CACNA2D3: variants seen among roughly 807,000 people sequenced by gnomAD.
The protein encoded by CACNA2D3 is calcium voltage-gated channel auxiliary subunit alpha2delta 3.
CACNA2D3 carries 60 observed loss-of-function variants against 160.6 expected under a neutral mutation model. The ratio of observed to expected loss-of-function variants is 0.37; its 90% CI spans 0.30 to 0.46. CACNA2D3 has a LOEUF of 0.46. Ranked by LOEUF, CACNA2D3 falls within the 20% of genes least tolerant of loss-of-function variation. The probability of loss-of-function intolerance (pLI) is 1.00; values close to 1 mark genes in which losing one functional copy is unlikely to be tolerated. For synonymous variants in CACNA2D3, 558 were observed against 492.9 expected, an observed-to-expected ratio of 1.13 and a Z score of -1.75; for missense variants, 1,205 against 1,365.0, an observed-to-expected ratio of 0.88 and a Z score of 1.85.
chr3:54,311,943 A>G (rs1703752184), intron 2 of CACNA2D3, among the ~76,000 whole-genome samples: 1 of 152,204 alleles, frequency 6.6e-6, no homozygotes, highest in African/African-American at 2.4e-5. Context: ...TGAAGGAATA[A>G]AAAGAGAAAA....
chr3:54,484,475 G>A lies in CACNA2D3; in HGVS notation c.382-19017G>A, dbSNP rs184072561. ...AAAGACATTAGGAAAATTTGTTACC[G>A]TGGTAACCGGGGATGGACATCATGA... On this transcript the variant is annotated intron_variant, in intron 4 of 37. Transcript: ENST00000474759. Among the ~76,000 whole-genome samples, 13 of 152,194 alleles carry A rather than the reference G, an allele frequency of 8.5e-5. No homozygotes were observed. In the East Asian group the frequency reaches 1.2e-3, roughly 14 times the overall value.
chr3:54,503,419 G>T, intron 4 of CACNA2D3, 73 bp from the exon 5 acceptor site: 1 of 1,375,546 alleles, frequency 7.3e-7, no homozygotes, highest in Non-Finnish European at 1.0e-6. Context: ...CACATGGCCT[G>T]TGCCCAGGTC....
At chr3:54,736,070 T>C (rs567365316) in intron 11 of CACNA2D3, among the ~76,000 whole-genome samples, 2,581 of 31,506 alleles carry the variant, frequency 0.082, 252 homozygotes, top group Non-Finnish European at 0.15. Flanking sequence ...TGTATATATA[T>C]ATACATATAT....
At chr3:54,529,890 G>C (rs1378383706) in intron 5 of CACNA2D3, among the ~76,000 whole-genome samples, 1 of 152,134 alleles carries the variant, frequency 6.6e-6, no homozygotes, top group Non-Finnish European at 1.5e-5. Context: ...GTGTATTTGG[G>C]CAGATGTATT....
At chr3:54,163,962 GGAA>G (rs1700399055) in intron 2 of CACNA2D3, among the ~76,000 whole-genome samples, 3 of 152,182 alleles carry the variant, frequency 2.0e-5, no homozygotes, top group African/African-American at 7.2e-5. Flanking sequence ...AGAGGGAGAG[GGAA>G]TAGCCCACGG....
At chr3:54,867,357 AT>A (rs1699425496) in intron 17 of CACNA2D3, among the ~76,000 whole-genome samples, 1 of 152,200 alleles carries the variant, frequency 6.6e-6, no homozygotes, top group South Asian at 2.1e-4. Flanking sequence ...ACAGTGAGGC[AT>A]TTTATAAATC....
chr3:54,878,211 G>A (rs1372406319), intron 18 of CACNA2D3, among the ~76,000 whole-genome samples: 1 of 152,176 alleles, frequency 6.6e-6, no homozygotes, highest in Non-Finnish European at 1.5e-5. Context: ...AGACAAGAGA[G>A]GGGTGGGGAG....
intron 3 of CACNA2D3, among the ~76,000 whole-genome samples, chr3:54,376,656 G>A (rs1354087905): frequency 1.3e-5 from 2 of 152,044 alleles, no homozygotes; most frequent in Non-Finnish European, 1.5e-5. Context: ...TCTTCATTGC[G>A]TCAGCCCTTA....
intron 3 of CACNA2D3, among the ~76,000 whole-genome samples, chr3:54,376,436 G>C (rs1190948704): frequency 1.3e-5 from 2 of 152,176 alleles, no homozygotes; most frequent in East Asian, 3.9e-4. Context: ...GTAAAGTTAG[G>C]ATGGTATCTG....
At chr3:54,745,033 A>G (rs1256468748) in intron 11 of CACNA2D3, among the ~76,000 whole-genome samples, 1 of 152,248 alleles carries the variant, frequency 6.6e-6, no homozygotes, top group Admixed American at 6.5e-5. Context: ...CAGGTATAAT[A>G]AGGCACACAG....
intron 2 of CACNA2D3, among the ~76,000 whole-genome samples, chr3:54,183,754 G>A (rs1279468139): frequency 2.0e-5 from 3 of 151,504 alleles, no homozygotes; most frequent in Non-Finnish European, 4.4e-5. Context: ...ACATGGTGGC[G>A]CATGACTGTA....
chr3:54,240,010 C>T (rs1701946228), intron 2 of CACNA2D3, among the ~76,000 whole-genome samples: 1 of 152,096 alleles, frequency 6.6e-6, no homozygotes, highest in Admixed American at 6.6e-5. Context: ...TATTTCAGGC[C>T]AGGAATAAAG....
At chr3:54,639,983 T>TTGAGCCAGGA (rs1699478596) in intron 10 of CACNA2D3, 1 of 153,444 alleles carries the variant, frequency 6.5e-6, no homozygotes, top group Non-Finnish European at 1.4e-5. Flanking sequence ...GGGGTGCTTT[T>TTGAGCCAGGA]TGAGCCAGGA....
chr3:54,630,430 T>C (rs531810122), intron 10 of CACNA2D3, among the ~76,000 whole-genome samples: 2 of 152,290 alleles, frequency 1.3e-5, no homozygotes, highest in East Asian at 3.9e-4. Flanking sequence ...CGCAGTTTAA[T>C]GCCGGCCTGC....
intron 11 of CACNA2D3, among the ~76,000 whole-genome samples, chr3:54,647,507 G>T (rs1435327925): frequency 6.6e-6 from 1 of 152,152 alleles, no homozygotes; most frequent in African/African-American, 2.4e-5. Context: ...CCTCTCCATG[G>T]GCTTTCTCTC....
At chr3:54,634,522 T>C (rs1322325321) in intron 10 of CACNA2D3, 1 of 152,214 alleles carries the variant, frequency 6.6e-6, no homozygotes, top group African/African-American at 2.4e-5. Flanking sequence ...AAACAGGCTT[T>C]GTGTGAGCAA....
chr3:54,500,953 A>G (rs1701285151), intron 4 of CACNA2D3, among the ~76,000 whole-genome samples: 1 of 152,220 alleles, frequency 6.6e-6, no homozygotes, highest in Non-Finnish European at 1.5e-5. Context: ...CCCAAGATCA[A>G]GGTGCTGGCA....
intron 2 of CACNA2D3, among the ~76,000 whole-genome samples, chr3:54,286,443 C>A (rs1201480259): frequency 6.6e-6 from 1 of 152,222 alleles, no homozygotes; most frequent in African/African-American, 2.4e-5. Flanking sequence ...AAGACCAAAT[C>A]TACGTCTGAA....
chr3:54,534,515 C>T (rs1376815003), intron 5 of CACNA2D3, among the ~76,000 whole-genome samples: 1 of 152,106 alleles, frequency 6.6e-6, no homozygotes, highest in Non-Finnish European at 1.5e-5. Context: ...TGCCTGGAAG[C>T]CTTTCCCGCT....
Sources: allele counts gnomAD v4.1 joint callset (sites outside exome capture counted in the v4.1 genomes callset), GRCh38; gene constraint gnomAD v4.1.1; transcripts MANE v1.5; gene names NCBI Gene and HGNC (gene_info 2026-07-23, HGNC 2026-07-21).